PANK1: variants seen among roughly 807,000 people sequenced by gnomAD.
The protein encoded by PANK1 is pantothenate kinase 1.
PANK1 carries 18 observed loss-of-function variants against 40.1 expected under a neutral mutation model. The ratio of observed to expected loss-of-function variants is 0.45; its 90% CI spans 0.31 to 0.67. The LOEUF (loss-of-function observed/expected upper bound fraction) is 0.67. Among genes scored for constraint, PANK1 ranks in the 30% least tolerant of loss-of-function variants. The pLI, the probability that PANK1 is intolerant of heterozygous loss-of-function variation, is 0.06. For missense variants in PANK1, 457 were observed against 599.6 expected, an observed-to-expected ratio of 0.76 and a Z score of 2.48; for synonymous variants, 242 against 237.7, an observed-to-expected ratio of 1.02 and a Z score of -0.17.
intron 2 of PANK1, among the ~76,000 whole-genome samples, chr10:89,605,938 TG>T (rs1335335680): frequency 6.6e-6 from 1 of 152,220 alleles, no homozygotes; most frequent in Non-Finnish European, 1.5e-5. Flanking sequence ...TTAATAGGCA[TG>T]AAAACATTAA....
At chr10:89,616,660 C>A (rs540633792) in intron 1 of PANK1, among the ~76,000 whole-genome samples, 2 of 152,044 alleles carry the variant, frequency 1.3e-5, no homozygotes, top group Non-Finnish European at 2.9e-5. Flanking sequence ...CGGTGGTTCA[C>A]GCCTGTAATC....
At chr10:89,627,650 C>T (rs1207922578) in intron 1 of PANK1, among the ~76,000 whole-genome samples, 1 of 152,138 alleles carries the variant, frequency 6.6e-6, no homozygotes, top group African/African-American at 2.4e-5. Flanking sequence ...TAAGAGCAGT[C>T]TGGGAAGGAG....
chr10:89,641,732 A>AAAAT (rs199852567), intron 1 of PANK1, among the ~76,000 whole-genome samples: 3,795 of 143,382 alleles, frequency 0.026, 83 homozygotes, highest in East Asian at 0.066. Flanking sequence ...AATCCGTCTC[A>AAAAT]AAATAAATAA....
chr10:89,640,942 A>G (rs1841950547), intron 1 of PANK1, among the ~76,000 whole-genome samples: 1 of 152,240 alleles, frequency 6.6e-6, no homozygotes, highest in South Asian at 2.1e-4. Flanking sequence ...CAGTGTTTGT[A>G]TGCTTAATAG....
At chr10:89,621,249 C>T (rs1169188235) in intron 1 of PANK1, among the ~76,000 whole-genome samples, 3 of 151,604 alleles carry the variant, frequency 2.0e-5, no homozygotes, top group Non-Finnish European at 2.9e-5. Context: ...TGCAGTGAGC[C>T]GAGATCGTGC....
intron 2 of PANK1, among the ~76,000 whole-genome samples, chr10:89,602,865 T>C (rs1041643278): frequency 6.6e-6 from 1 of 152,152 alleles, no homozygotes; most frequent in East Asian, 1.9e-4. Context: ...ATGACCCTAT[T>C]TTTCAAGAGC....
At chr10:89,636,862 C>A (rs1841832814) in intron 1 of PANK1, among the ~76,000 whole-genome samples, 2 of 150,822 alleles carry the variant, frequency 1.3e-5, no homozygotes, top group Non-Finnish European at 2.9e-5. Context: ...CACCAGAGCA[C>A]CCCTCTTTTT....
chr10:89,595,871 T>TAAAA (rs1392931567), intron 3 of PANK1, among the ~76,000 whole-genome samples: 12 of 98,646 alleles, frequency 1.2e-4, no homozygotes, highest in South Asian at 1.1e-3. Flanking sequence ...TATATATATA[T>TAAAA]ATAACTTCAT....
At chr10:89,643,546 CA>C in intron 1 of PANK1, 1 of 601,520 alleles carries the variant, frequency 1.7e-6, no homozygotes, top group Non-Finnish European at 2.9e-6. Context: ...AGCTAAGAGT[CA>C]AAAAGACATA....
chr10:89,629,408 CTT>C lies in PANK1; in HGVS notation c.292+15190_292+15191del, dbSNP rs1490652582. ...ATCTGACTGAGAAAAGGGATTAAAA[CTT>C]TATAAAATATAAATATGAACATTCA... On this transcript the variant is annotated intron_variant, in intron 1 of 6. Coordinates refer to ENST00000307534, the MANE Select transcript of PANK1 (RefSeq NM_148977.3). Among the ~76,000 whole-genome samples the C allele has an allele frequency of 2.6e-5, 4 of 152,270 alleles. No individual in the cohort carries two copies. The East Asian group carries it at 7.7e-4, about 29-fold the overall frequency.
In PANK1 at chr10:89,593,743, T is replaced by C. The variant is rs555926572; in HGVS notation, c.1076+70A>G. ...GGTGGACTGACATTTTAAAACAACT[T>C]AGTGAATGGCCAGGGTGGAGAGGCT... is the stretch of plus-strand genomic sequence containing the variant. On this transcript the variant is annotated intron_variant, in intron 4 of 6. Transcript: ENST00000307534. 22 of 1,173,262 alleles carry C rather than the reference T, an allele frequency of 1.9e-5. No homozygotes were observed. The South Asian group carries it at 2.8e-4, about 15-fold the overall frequency. The allele number at this position is 1,173,262 out of a possible 1,614,324, so 72.7% of individuals were successfully genotyped here.
chr10:89,604,604 G>GA (rs1417894203), intron 2 of PANK1, among the ~76,000 whole-genome samples: 5 of 143,326 alleles, frequency 3.5e-5, no homozygotes. Flanking sequence ...TGGGGTAGGA[G>GA]AATCGCCTGA....
intron 2 of PANK1, among the ~76,000 whole-genome samples, chr10:89,601,903 GC>G (rs1175301756): frequency 3.3e-5 from 5 of 152,314 alleles, no homozygotes; most frequent in Admixed American, 3.3e-4. Context: ...TGATTCCACA[GC>G]CTTCCATTGC....
At chr10:89,628,049 G>C (rs1426893208) in intron 1 of PANK1, among the ~76,000 whole-genome samples, 4 of 152,216 alleles carry the variant, frequency 2.6e-5, no homozygotes, top group Non-Finnish European at 1.5e-5. Flanking sequence ...TTATGAGGAA[G>C]TGGAGAAATA....
At chr10:89,587,248 C>A (rs960343476) in intron 6 of PANK1, among the ~76,000 whole-genome samples, 7 of 152,176 alleles carry the variant, frequency 4.6e-5, no homozygotes, top group Non-Finnish European at 7.4e-5. Flanking sequence ...CTCTTAGTAG[C>A]CCAAGCACTT....
chr10:89,596,578 C>T, intron 3 of PANK1, among the ~76,000 whole-genome samples: 1 of 152,156 alleles, frequency 6.6e-6, no homozygotes, highest in East Asian at 1.9e-4. Flanking sequence ...ATATCCTTAA[C>T]CTGCTAACCA....
At chr10:89,600,536 A>T (rs753389528) in intron 2 of PANK1, among the ~76,000 whole-genome samples, 4 of 152,238 alleles carry the variant, frequency 2.6e-5, no homozygotes, top group Admixed American at 1.3e-4. Flanking sequence ...TAAAGTGCTT[A>T]CATAAGCCTT....
intron 5 of PANK1, among the ~76,000 whole-genome samples, chr10:89,592,157 T>A (rs17389917): frequency 0.075 from 11,474 of 152,276 alleles, 552 homozygotes; most frequent in Admixed American, 0.11. Context: ...TTAAACTCCG[T>A]CTGAACTGAG....
chr10:89,595,896 ATG>A (rs1491156287), intron 3 of PANK1, among the ~76,000 whole-genome samples: 3 of 138,688 alleles, frequency 2.2e-5, no homozygotes, highest in East Asian at 2.0e-4. Context: ...TAATATATAT[ATG>A]TACACACACA....
Sources: gnomAD v4.1 joint callset for allele counts (sites outside exome capture counted in the v4.1 genomes callset) on GRCh38, gnomAD v4.1.1 for gene constraint, MANE v1.5 for transcripts, NCBI Gene and HGNC (gene_info 2026-07-23, HGNC 2026-07-21) for gene names.